Variants in DDX54 observed in about 807,000 individuals in gnomAD.
DDX54 encodes DEAD-box helicase 54.
DDX54 carries 67 observed loss-of-function variants against 105.5 expected under a neutral mutation model. The ratio of observed to expected loss-of-function variants is 0.64; its 90% CI spans 0.52 to 0.78. DDX54 has a LOEUF of 0.78. Ranked by LOEUF, DDX54 falls within the 30% of genes least tolerant of loss-of-function variation. The pLI is 0.00. For missense variants in DDX54, 1,206 were observed against 1,230.5 expected (o/e 0.98, Z 0.30); for synonymous variants, 514 against 509.9 (o/e 1.01, Z -0.11).
chr12:113,181,948 T>G (rs779443274), intron 1 of DDX54, among the ~76,000 whole-genome samples: 10 of 151,100 alleles, frequency 6.6e-5, no homozygotes, highest in Non-Finnish European at 1.0e-4. Context: ...GCCCAGGAGT[T>G]CCCAGACTAG....
Position 113,165,990 on chromosome 12 carries a change from C to A in DDX54, c.1457G>T (p.Ser486Ile). The change falls in exon 13 of 20, where the codon AGT becomes ATT. Residue 486 changes from serine to isoleucine, a missense_variant. Ser to Ile is a moderately radical substitution (Grantham distance 142). Coordinates refer to ENST00000306014, the MANE Select transcript of DDX54 (RefSeq NM_024072.4). ...VDGMLGRVPQ[S>I]VVDEEDSGLQ... is the part of the protein sequence containing the mutation. ...ACCACTGTCCTCCTCGTCCACCACACTCTGTGGCACCCGACCCAGCATGCC... is the reference window on the plus strand; with the variant it reads ...ACCACTGTCCTCCTCGTCCACCACAATCTGTGGCACCCGACCCAGCATGCC... The A allele has an allele frequency of 6.2e-7, 1 of 1,611,822 alleles. No homozygotes were observed. Among genetic ancestry groups the A allele is most frequent in the South Asian group, 1.1e-5 (1 of 91,078 alleles).
intron 6 of DDX54, 51 bp from the exon 7 acceptor site, chr12:113,176,986 C>T (rs1952411849): frequency 6.2e-7 from 1 of 1,613,528 alleles, no homozygotes; most frequent in African/African-American, 1.3e-5. Flanking sequence ...GCCACCACCA[C>T]AGTTCTCTTA....
rs748860214 is a variant in DDX54 at position 113,179,022 on chromosome 12, C to T, written c.569G>A (p.Gly190Asp). The T allele has an allele frequency of 6.2e-7, 1 of 1,614,100 alleles. No individual in the cohort carries two copies. The highest frequency in any genetic ancestry group is 8.5e-7 in the Non-Finnish European group (1 of 1,179,988). The change falls in exon 5 of 20, where the codon GGC becomes GAC. Residue 190 changes from glycine (G) to aspartate (D), a missense_variant. By Grantham distance (94) the Gly-to-Asp change is moderately conservative (BLOSUM62 -1). Coordinates refer to ENST00000306014, the MANE Select transcript of DDX54 (RefSeq NM_024072.4). The part of the protein sequence containing the change: ...LQTLKFTKEL[G>D]KFTGLKTALI... Reference sequence around the variant, plus strand: ...GGCAGTCTTGAGGCCAGTGAACTTGCCTAGCTGAGAAGAGAAAGTGATTGA... The same window carrying T: ...GGCAGTCTTGAGGCCAGTGAACTTGTCTAGCTGAGAAGAGAAAGTGATTGA...
Position 113,157,507 on chromosome 12 carries a change from CCCG to C in DDX54, c.*1367_*1369del. 1.0e-6 allele frequency: 1 copy of C among 960,134 alleles called. No individual in the cohort carries two copies. Among genetic ancestry groups the C allele is most frequent in the Non-Finnish European group, 1.6e-6 (1 of 620,530 alleles). 59.5% of individuals were successfully genotyped at this position (960,134 alleles called of 1,614,324 possible). A position where few individuals can be genotyped will look rare whatever the true frequency, so the allele number is the denominator to read the frequency against. On this transcript the variant is annotated 3_prime_UTR_variant, in exon 20 of 20. Transcript: ENST00000306014. ...TCTTTTAATGAGGGGATCTCCAGTCCCCGCCCTACCTTTCGGCCTCCCCCGCGT... is the reference window on the plus strand; with the variant it reads ...TCTTTTAATGAGGGGATCTCCAGTCCCCCTACCTTTCGGCCTCCCCCGCGT...
chr12:113,174,954 G>C lies in DDX54; in HGVS notation c.875-18C>G, dbSNP rs1179793263. ...CGTGAGGCCTGCAGGAGACATGGGG[G>C]AAAGTGGGGGAGTCGCAGAGGGACT... On this transcript the variant is annotated intron_variant, in intron 8 of 19. Transcript: ENST00000306014. 2 of 1,612,548 alleles carry C rather than the reference G, an allele frequency of 1.2e-6. No homozygotes were observed. The highest frequency in any genetic ancestry group is 8.5e-7 in the Non-Finnish European group (1 of 1,179,350).
intron 7 of DDX54, among the ~76,000 whole-genome samples, 193 bp downstream of exon 7, chr12:113,176,647 A>C (rs774949252): frequency 2.6e-5 from 4 of 152,202 alleles, no homozygotes; most frequent in African/African-American, 7.2e-5. Flanking sequence ...CAAAATTATA[A>C]ATATTGGTCA....
In DDX54 at chr12:113,182,843, C is replaced by A. The variant is rs371281829; in HGVS notation, c.175-1785G>T. Reference sequence around the variant, plus strand: ...AAGTGCTCGGATTACAGGCATGAGCCACCACGCCCAGCCTCCTTTGGTCTT... The same window carrying A: ...AAGTGCTCGGATTACAGGCATGAGCAACCACGCCCAGCCTCCTTTGGTCTT... On this transcript the variant is annotated intron_variant, in intron 1 of 19. Transcript: ENST00000306014. Among the ~76,000 whole-genome samples the A allele has an allele frequency of 4.0e-3, 614 of 152,016 alleles. 5 individuals are homozygous for A. The highest frequency in any genetic ancestry group is 0.013 in the African/African-American group (556 of 41,474).
intron 5 of DDX54, among the ~76,000 whole-genome samples, chr12:113,177,795 C>CT (rs1220388758): frequency 1.3e-5 from 2 of 152,198 alleles, no homozygotes; most frequent in East Asian, 3.8e-4. Flanking sequence ...TTGCCAAACT[C>CT]TAACCTGTCA....
intron 12 of DDX54, 56 bp from the exon 13 acceptor site, chr12:113,166,088 T>G: frequency 6.5e-7 from 1 of 1,542,740 alleles, no homozygotes; most frequent in South Asian, 1.2e-5. Flanking sequence ...GCCTGTCCAC[T>G]GCCCGACCAC....
chr12:113,173,770 A>T (rs1360060789), intron 10 of DDX54, among the ~76,000 whole-genome samples: 2 of 152,200 alleles, frequency 1.3e-5, no homozygotes, highest in African/African-American at 4.8e-5. Flanking sequence ...ATGTAAGGGG[A>T]ACTAACGGAT....
rs770649106 is a variant in DDX54, at chr12:113,165,985, C to A, written c.1462G>T (p.Val488Leu). The A allele has an allele frequency of 1.2e-6, 2 of 1,612,206 alleles. No homozygotes were observed. The part of the protein sequence containing the change: ...GMLGRVPQSV[V>L]DEEDSGLQST... Reference sequence around the variant, plus strand: ...TGCAGACCACTGTCCTCCTCGTCCACCACACTCTGTGGCACCCGACCCAGC... The same window carrying A: ...TGCAGACCACTGTCCTCCTCGTCCAACACACTCTGTGGCACCCGACCCAGC... Residue 488 changes from valine to leucine, a missense_variant, in exon 13 of 20, where the codon GTG becomes TTG. Val to Leu is a conservative substitution (Grantham distance 32). This residue lies in a region of DDX54 where 961 missense variants were observed against 1,019.1 expected (regional missense o/e 0.94). Coordinates refer to ENST00000306014, the MANE Select transcript of DDX54 (RefSeq NM_024072.4).
At chr12:113,177,304 G>A (rs939582087) in intron 5 of DDX54, 12 of 577,502 alleles carry the variant, frequency 2.1e-5, no homozygotes, top group Non-Finnish European at 2.8e-5. Flanking sequence ...GGTAACAACA[G>A]AGTTCCTCTG....
At chr12:113,161,780 G>GGC in intron 18 of DDX54, 113 bp downstream of exon 18, 1 of 254,868 alleles carries the variant, frequency 3.9e-6, no homozygotes, top group South Asian at 3.5e-5. Flanking sequence ...AAGCCGCTCA[G>GGC]CCCCGCCCCC....
In DDX54 at chr12:113,159,248, G is replaced by A. The variant is rs1952176555; in HGVS notation, c.2414-139C>T. On this transcript the variant is annotated intron_variant, in intron 19 of 19. Coordinates refer to ENST00000306014, the MANE Select transcript of DDX54 (RefSeq NM_024072.4). ...TGTGGCCCAGTGTCTGTACACAGTA[G>A]GTGGCTAATAAAGTTTTAGGCAGCC... is the stretch of plus-strand genomic sequence containing the variant. 4 of 974,348 alleles carry A rather than the reference G, an allele frequency of 4.1e-6. No homozygotes were observed. The East Asian group carries it at 1.1e-4, about 26-fold the overall frequency. The allele number at this position is 974,348 out of a possible 1,614,324, so 60.4% of individuals were successfully genotyped here.
At chr12:113,161,506 C>T in intron 18 of DDX54, 124 bp from the exon 19 acceptor site, 1 of 731,366 alleles carries the variant, frequency 1.4e-6, no homozygotes, top group Non-Finnish European at 2.3e-6. Flanking sequence ...GGCCCCGCCC[C>T]CAGCACACAG....
intron 1 of DDX54, 21 bp from the exon 2 acceptor site, chr12:113,181,079 G>T (rs772952145): frequency 6.2e-7 from 1 of 1,606,782 alleles, no homozygotes; most frequent in East Asian, 2.2e-5. Context: ...AGGACAGAGA[G>T]GTGGTGTCAC....
intron 2 of DDX54, 107 bp from the exon 3 acceptor site, chr12:113,180,112 GA>G (rs113783126): frequency 0.01 from 8,988 of 890,602 alleles, no homozygotes; most frequent in Admixed American, 0.015. Context: ...AACAGCAAGG[GA>G]AAAAAAAAAG....
chr12:113,175,102 C>T lies in DDX54; in HGVS notation c.808G>A (p.Gly270Arg), dbSNP rs1017555686. The change falls in exon 8 of 20, where the codon GGG becomes AGG. Residue 270 changes from glycine (G) to arginine (R), a missense_variant. By Grantham distance (125) the Gly-to-Arg change is moderately radical. Transcript: ENST00000306014. ...QLQEIIARLP[G>R]GHQTVLFSAT... ...GAGAACAGCACCGTCTGGTGGCCCCCGGGGAGGCGGGCGATGATCTCCTGC... is the reference window on the plus strand; with the variant it reads ...GAGAACAGCACCGTCTGGTGGCCCCTGGGGAGGCGGGCGATGATCTCCTGC... 39 of 1,613,616 alleles carry T rather than the reference C, an allele frequency of 2.4e-5. No homozygotes were observed. The highest frequency in any genetic ancestry group is 3.1e-5 in the Non-Finnish European group (37 of 1,179,994).
chr12:113,161,679 G>A (rs550089351), intron 18 of DDX54, among the ~76,000 whole-genome samples: 7 of 136,068 alleles, frequency 5.1e-5, no homozygotes, highest in Admixed American at 4.4e-4. Context: ...CCCGCCCCCA[G>A]CACAGGTCCC....
Sources: allele counts gnomAD v4.1 joint callset (sites outside exome capture counted in the v4.1 genomes callset), GRCh38; gene constraint gnomAD v4.1.1; regional missense constraint gnomAD v4.1.1; transcripts MANE v1.5; gene names NCBI Gene and HGNC (gene_info 2026-07-23, HGNC 2026-07-21).